The following VWA5A variants were observed in gnomAD, a reference collection of about 807,000 sequenced individuals.
VWA5A encodes von Willebrand factor A domain containing 5A.
A neutral mutation model predicts 84.6 loss-of-function variants in VWA5A; 77 were observed. The ratio of observed to expected loss-of-function variants is 0.91; its 90% confidence interval spans 0.76 to 1.10. The LOEUF (loss-of-function observed/expected upper bound fraction) is 1.10. VWA5A is among the 50% of genes least tolerant of loss of function. VWA5A has a pLI of 0.00. For missense variants in VWA5A, 973 were observed against 963.0 expected (o/e 1.01, Z -0.14); for synonymous variants, 334 against 350.1 (o/e 0.95, Z 0.51).
chr11:124,126,048 C>G (rs1865014395), intron 11 of VWA5A, among the ~76,000 whole-genome samples: 1 of 152,210 alleles, frequency 6.6e-6, no homozygotes, highest in Non-Finnish European at 1.5e-5. Context: ...CACCTGTATA[C>G]ATGTACATTG....
intron 16 of VWA5A, 146 bp from the exon 17 acceptor site, chr11:124,142,296 C>A: frequency 9.0e-7 from 1 of 1,110,600 alleles, no homozygotes; most frequent in Non-Finnish European, 1.3e-6. Flanking sequence ...GTTTGAAGAC[C>A]GATCTTCTGG....
chr11:124,118,505 A>T, intron 5 of VWA5A, 28 bp from the exon 6 acceptor site: 2 of 1,611,696 alleles, frequency 1.2e-6, no homozygotes, highest in Non-Finnish European at 1.7e-6. Flanking sequence ...GTTGGCAAGG[A>T]AAACAGAACT....
At position 124,118,422 on chromosome 11, in the gene VWA5A, C is replaced by T. The variant is rs1403331227; in HGVS notation, c.469+11C>T. 6.2e-7 allele frequency: 1 copy of T among 1,613,566 alleles called. No individual in the cohort carries two copies. Among genetic ancestry groups the T allele is most frequent in the Non-Finnish European group, 8.5e-7 (1 of 1,179,560 alleles). ...GATACCAGTTCTCTGGTGAGTACCT[C>T]TCCCCTTTGAATTCTAGTGGTGGGT... On this transcript the variant is annotated intron_variant, in intron 5 of 18. Transcript: ENST00000456829.
intron 15 of VWA5A, among the ~76,000 whole-genome samples, chr11:124,141,078 G>A (rs1224686653): frequency 1.3e-5 from 2 of 152,190 alleles, no homozygotes; most frequent in Non-Finnish European, 2.9e-5. Context: ...GCCTTTTAAT[G>A]GAGTGGAAGT....
At chr11:124,130,940 C>T (rs983316058) in intron 11 of VWA5A, among the ~76,000 whole-genome samples, 12 of 152,214 alleles carry the variant, frequency 7.9e-5, no homozygotes, top group African/African-American at 2.9e-4. Context: ...TATGCCCCTG[C>T]TTCAAAGGTA....
intron 11 of VWA5A, among the ~76,000 whole-genome samples, chr11:124,132,493 AT>A (rs1865111406): frequency 6.6e-6 from 1 of 151,896 alleles, no homozygotes; most frequent in Non-Finnish European, 1.5e-5. Flanking sequence ...ATGTGTTCTT[AT>A]TTTTTATAAA....
intron 11 of VWA5A, among the ~76,000 whole-genome samples, chr11:124,126,821 T>A (rs1865025256): frequency 6.6e-6 from 1 of 151,878 alleles, no homozygotes; most frequent in South Asian, 2.1e-4. Context: ...GTTGTCAACC[T>A]TTTACCACAT....
At chr11:124,128,490 A>G (rs1865051482) in intron 11 of VWA5A, among the ~76,000 whole-genome samples, 1 of 152,186 alleles carries the variant, frequency 6.6e-6, no homozygotes, top group African/African-American at 2.4e-5. Flanking sequence ...TGTCTTGGCT[A>G]TATGGGCTCT....
intron 17 of VWA5A, 65 bp from the exon 18 acceptor site, chr11:124,145,172 T>A: frequency 6.5e-7 from 1 of 1,537,528 alleles, no homozygotes; most frequent in South Asian, 1.3e-5. Context: ...GAGGAGGGAG[T>A]GAAGCTTTTT....
Position 124,142,424 on chromosome 11 carries a change from T to C in VWA5A, c.2024-18T>C, listed in dbSNP as rs779383032. 2 of 1,613,422 alleles carry C rather than the reference T, an allele frequency of 1.2e-6. No homozygotes were observed. The highest frequency in any genetic ancestry group is 1.7e-6 in the Non-Finnish European group (2 of 1,179,660). On this transcript the variant is annotated intron_variant, in intron 16 of 18. Transcript: ENST00000456829. ...AGCTCCACAATTTCTCATTCTTCTC[T>C]TTTCTTTCTCCTCAAAGGCTTTGGA... is the stretch of plus-strand genomic sequence containing the variant.
intron 12 of VWA5A, 49 bp downstream of exon 12, chr11:124,135,083 A>C: frequency 3.3e-6 from 5 of 1,515,196 alleles, no homozygotes; most frequent in East Asian, 2.3e-5. Flanking sequence ...ATCCAGACCA[A>C]AGTGGAACGG....
Position 124,138,938 on chromosome 11 carries a change from A to G in VWA5A, c.1879+1670A>G, listed in dbSNP as rs548576679. On this transcript the variant is annotated intron_variant, in intron 15 of 18. Coordinates refer to ENST00000456829, the MANE Select transcript of VWA5A (RefSeq NM_001130142.2). ...TACACTTAAGCCTTTAGTTCATTTG[A>G]GTTGGTTTTTCTATGTGATGAGAGA... Among the ~76,000 whole-genome samples, 3 of 152,104 alleles carry G rather than the reference A, an allele frequency of 2.0e-5. No homozygotes were observed. In the East Asian group the frequency reaches 5.8e-4, roughly 29 times the overall value.
chr11:124,137,239 C>T lies in VWA5A; in HGVS notation c.1850C>T (p.Ser617Phe). 1 of 1,614,132 alleles carries T rather than the reference C, an allele frequency of 6.2e-7. No individual in the cohort carries two copies. Among genetic ancestry groups the T allele is most frequent in the Non-Finnish European group, 8.5e-7 (1 of 1,180,030 alleles). Residue 617 changes from serine to phenylalanine, a missense_variant, in exon 15 of 19, where the codon TCT becomes TTT. By Grantham distance (155) the Ser-to-Phe change is radical (BLOSUM62 -2). Coordinates refer to ENST00000456829, the MANE Select transcript of VWA5A (RefSeq NM_001130142.2). ...DVPRPILLGA[S>F]APLKIKCQSG... is the part of the protein sequence containing the mutation. The stretch of plus-strand genomic sequence containing the variant: ...CCAAGGCCAATTCTGTTGGGTGCTT[C>T]TGCCCCATTGAAGATAAAATGCCAA...
Position 124,146,827 on chromosome 11 carries a change from G to A in VWA5A, c.*882G>A, listed in dbSNP as rs1860830387. 6.5e-6 allele frequency: 1 copy of A among 154,448 alleles called. No individual in the cohort carries two copies. Among genetic ancestry groups the A allele is most frequent in the African/African-American group, 2.4e-5 (1 of 41,380 alleles). 9.6% of individuals were successfully genotyped at this position (154,448 alleles called of 1,614,324 possible). On this transcript the variant is annotated 3_prime_UTR_variant, in exon 19 of 19. Coordinates refer to ENST00000456829, the MANE Select transcript of VWA5A (RefSeq NM_001130142.2). ...CTTGTGTCTCATATACCCTATCCTG[G>A]TGGAAATGACCCTATTTGATATGCT...
intron 15 of VWA5A, 113 bp downstream of exon 15, chr11:124,137,381 A>G: frequency 7.4e-7 from 1 of 1,357,836 alleles, no homozygotes; most frequent in Non-Finnish European, 9.8e-7. Context: ...TGTTTTCCTT[A>G]TACCTCCACA....
At chr11:124,134,840 T>C in intron 11 of VWA5A, 80 bp from the exon 12 acceptor site, 1 of 988,978 alleles carries the variant, frequency 1.0e-6, no homozygotes, top group Non-Finnish European at 1.5e-6. Flanking sequence ...TTTCCTTATG[T>C]ATTTTTGGCC....
intron 7 of VWA5A, among the ~76,000 whole-genome samples, chr11:124,119,541 T>C (rs1864897808): frequency 6.6e-6 from 1 of 152,254 alleles, no homozygotes; most frequent in Non-Finnish European, 1.5e-5. Flanking sequence ...GTTAAATCAA[T>C]GTTAACTTTG....
At chr11:124,132,286 ATAT>A (rs1341344312) in intron 11 of VWA5A, among the ~76,000 whole-genome samples, 1 of 152,056 alleles carries the variant, frequency 6.6e-6, no homozygotes, top group Admixed American at 6.6e-5. Context: ...TTCATGGGAA[ATAT>A]TGACATATAT....
At chr11:124,117,418 G>A in intron 2 of VWA5A, 79 bp from the exon 3 acceptor site, 2 of 1,340,650 alleles carry the variant, frequency 1.5e-6, no homozygotes, top group Non-Finnish European at 2.1e-6. Flanking sequence ...TCTTATGCCA[G>A]AGAAAGGCAC....
Sources: gnomAD v4.1 joint callset for allele counts (sites outside exome capture counted in the v4.1 genomes callset) on GRCh38, gnomAD v4.1.1 for gene constraint, MANE v1.5 for transcripts, NCBI Gene and HGNC (gene_info 2026-07-23, HGNC 2026-07-21) for gene names.